The following CTSZ variants were observed in gnomAD, a reference collection of about 807,000 sequenced individuals.
The protein encoded by CTSZ is carboxypeptidase LB.
Under a neutral mutation model 32.4 loss-of-function variants are expected in CTSZ, and 39 were observed. The ratio of observed to expected loss-of-function variants is 1.20; its 90% CI spans 0.93 to 1.57. The LOEUF (loss-of-function observed/expected upper bound fraction) is 1.57, where lower values mean the gene tolerates loss of function less well. Ranked by LOEUF, CTSZ falls within the 40% of genes most tolerant of loss-of-function variation. CTSZ has a pLI of 0.00. For missense variants in CTSZ, 397 were observed against 419.6 expected (o/e 0.95, Z 0.47); for synonymous variants, 168 against 170.1 (o/e 0.99, Z 0.10).
rs1437574092 is a variant in CTSZ, at chr20:58,995,767, A to G, written c.802-8T>C. 1 of 1,613,378 alleles carries G rather than the reference A, an allele frequency of 6.2e-7. No homozygotes were observed. Among genetic ancestry groups the G allele is most frequent in the South Asian group, 1.1e-5 (1 of 91,040 alleles). On this transcript the variant is annotated splice_region_variant and splice_polypyrimidine_tract_variant and intron_variant, in intron 5 of 5. Coordinates refer to ENST00000217131, the MANE Select transcript of CTSZ (RefSeq NM_001336.4). ...CAGCCAGCCTCTCTCGCCCTGTGAG[A>G]AGTGGGATCGCGCGTCAGCCCATCT...
intron 1 of CTSZ, among the ~76,000 whole-genome samples, 198 bp downstream of exon 1, chr20:59,006,788 G>A (rs2091910268): frequency 6.6e-6 from 1 of 152,222 alleles, no homozygotes; most frequent in Non-Finnish European, 1.5e-5. Context: ...TTTCTGGCCA[G>A]GTGGGGCTTG....
chr20:58,998,574 A>AAG (rs1293625106), intron 3 of CTSZ, among the ~76,000 whole-genome samples: 2 of 151,520 alleles, frequency 1.3e-5, no homozygotes, highest in African/African-American at 4.8e-5. Context: ...GAAAGAAAGA[A>AAG]AGGACAGGCG....
chr20:58,995,735 C>T lies in CTSZ; in HGVS notation c.826G>A (p.Val276Met), dbSNP rs202209335. ...PWGERGWLRI[V>M]TSTYKDGKGA... Reference sequence around the variant, plus strand: ...TTCCCATCCTTATAGGTGCTGGTCACGATCCTCAGCCAGCCTCTCTCGCCC... The same window carrying T: ...TTCCCATCCTTATAGGTGCTGGTCATGATCCTCAGCCAGCCTCTCTCGCCC... The change falls in exon 6 of 6, where the codon GTG becomes ATG. Residue 276 changes from valine (V) to methionine (M), a missense_variant. Val to Met is a conservative substitution (Grantham distance 21, BLOSUM62 1). Coordinates refer to ENST00000217131, the MANE Select transcript of CTSZ (RefSeq NM_001336.4). The T allele has an allele frequency of 1.4e-5, 22 of 1,614,090 alleles. No individual in the cohort carries two copies. The East Asian group carries it at 3.1e-4, about 23-fold the overall frequency.
At chr20:59,000,727 G>A (rs2091885120) in intron 3 of CTSZ, among the ~76,000 whole-genome samples, 1 of 152,034 alleles carries the variant, frequency 6.6e-6, no homozygotes, top group African/African-American at 2.4e-5. Flanking sequence ...CCACCAAAAT[G>A]CCAGCATGTC....
Position 58,996,817 on chromosome 20 carries a change from T to TA in CTSZ, c.639-17dup. On this transcript the variant is annotated splice_polypyrimidine_tract_variant and intron_variant, in intron 4 of 5. Transcript: ENST00000217131. ...TATTCCACAGCTGAGAGCAAGCAGT[T>TA]AAAGAATTACCACTTTTAAATTGAG... 1 of 1,611,710 alleles carries TA rather than the reference T, an allele frequency of 6.2e-7. No individual in the cohort carries two copies. The highest frequency in any genetic ancestry group is 8.5e-7 in the Non-Finnish European group (1 of 1,178,598).
At position 59,002,772 on chromosome 20, in the gene CTSZ, G is replaced by A. The variant is rs563333228; in HGVS notation, c.308-1128C>T. ...AAACCCTCTTCCTGGAGCAGCCGGT[G>A]GCTGGTTTGTCCCCTCCCACCTGAC... On this transcript the variant is annotated intron_variant, in intron 2 of 5. Transcript: ENST00000217131. This position sits in a 1 kb window ranked among gnomAD's most constrained non-coding sequence, Gnocchi z 4.1. Among the ~76,000 whole-genome samples, 1 of 152,094 alleles carries A rather than the reference G, an allele frequency of 6.6e-6. No homozygotes were observed. Among genetic ancestry groups the A allele is most frequent in the African/African-American group, 2.4e-5 (1 of 41,410 alleles).
At chr20:58,998,819 C>T (rs1423904086) in intron 3 of CTSZ, among the ~76,000 whole-genome samples, 1 of 152,244 alleles carries the variant, frequency 6.6e-6, no homozygotes. Context: ...GCCTGCCATT[C>T]GCTGCTTTGG....
chr20:59,005,694 A>T (rs567378991), intron 2 of CTSZ, among the ~76,000 whole-genome samples: 1 of 152,344 alleles, frequency 6.6e-6, no homozygotes, highest in African/African-American at 2.4e-5. Context: ...GGGATAGCAG[A>T]GTCCCTTCCA....
intron 4 of CTSZ, 100 bp downstream of exon 4, chr20:58,997,503 G>C: frequency 8.2e-7 from 1 of 1,213,062 alleles, no homozygotes; most frequent in Admixed American, 3.0e-5. Context: ...CCACACTGGC[G>C]CTGTCACCGC....
At chr20:58,996,941 G>T in intron 4 of CTSZ, 140 bp from the exon 5 acceptor site, 1 of 863,494 alleles carries the variant, frequency 1.2e-6, no homozygotes, top group Non-Finnish European at 1.8e-6. Flanking sequence ...TGGATCGCTT[G>T]AGTCCAGGAA....
rs937390550 is a variant in CTSZ, at chr20:58,999,122, G to A, written c.488-1369C>T. ...ATGATCCTGGCTCACTGCAACTTCTGCCTCCTGGGTTCAAGTGATTCTCCT... is the reference window on the plus strand; with the variant it reads ...ATGATCCTGGCTCACTGCAACTTCTACCTCCTGGGTTCAAGTGATTCTCCT... On this transcript the variant is annotated intron_variant, in intron 3 of 5. Coordinates refer to ENST00000217131, the MANE Select transcript of CTSZ (RefSeq NM_001336.4). Among the ~76,000 whole-genome samples, 4 of 152,002 alleles carry A rather than the reference G, an allele frequency of 2.6e-5. No homozygotes were observed. In the East Asian group the frequency reaches 5.8e-4, roughly 22 times the overall value.
chr20:58,996,013 T>C (rs1012389977), intron 5 of CTSZ, among the ~76,000 whole-genome samples: 3 of 152,198 alleles, frequency 2.0e-5, no homozygotes, highest in African/African-American at 4.8e-5. Context: ...ACAAAACATG[T>C]TGACTCTAGA....
At chr20:59,006,298 C>G in intron 2 of CTSZ, 24 bp downstream of exon 2, 2 of 1,577,136 alleles carry the variant, frequency 1.3e-6, no homozygotes, top group Non-Finnish European at 1.7e-6. Flanking sequence ...TTTCCTGGCC[C>G]ACAGTCAAAG....
At position 58,996,809 on chromosome 20, in the gene CTSZ, C is replaced by G. The variant is rs780719726; in HGVS notation, c.639-8G>C. 6.2e-7 allele frequency: 1 copy of G among 1,613,260 alleles called. No homozygotes were observed. The highest frequency in any genetic ancestry group is 1.1e-5 in the South Asian group (1 of 90,934). On this transcript the variant is annotated splice_region_variant and splice_polypyrimidine_tract_variant and intron_variant, in intron 4 of 5. Transcript: ENST00000217131. ...GTTGCCATTATTCCACAGCTGAGAG[C>G]AAGCAGTTAAAGAATTACCACTTTT...
rs761161044 is a variant in CTSZ, at chr20:58,995,739, C to T, written c.822G>A (p.Arg274=). The change falls in exon 6 of 6, where the codon AGG becomes AGA. Residue 274 remains arginine (R), a synonymous_variant. Transcript: ENST00000217131. ...CATCCTTATAGGTGCTGGTCACGATCCTCAGCCAGCCTCTCTCGCCCTGTG... is the reference window on the plus strand; with the variant it reads ...CATCCTTATAGGTGCTGGTCACGATTCTCAGCCAGCCTCTCTCGCCCTGTG... ...GEPWGERGWL[R]IVTSTYKDGK... The T allele has an allele frequency of 2.7e-5, 43 of 1,613,980 alleles. No individual in the cohort carries two copies. Among genetic ancestry groups the T allele is most frequent in the Non-Finnish European group, 3.6e-5 (42 of 1,180,014 alleles).
chr20:59,007,087 G>T lies in CTSZ; in HGVS notation c.42C>A (p.Leu14=). 1 of 1,455,204 alleles carries T rather than the reference G, an allele frequency of 6.9e-7. No homozygotes were observed. The highest frequency in any genetic ancestry group is 2.4e-4 in the Middle Eastern group (1 of 4,138). 90.1% of individuals were successfully genotyped at this position (1,455,204 alleles called of 1,614,324 possible). The change falls in exon 1 of 6, where the codon CTC becomes CTA. Residue 14 remains leucine, a synonymous_variant. Transcript: ENST00000217131. ...RGPGWRPLLL[L]VLLAGAAQGG... ...CCTGCGCCGCGCCCGCCAGCAGCAC[G>T]AGCAGCAGAAGCGGCCGCCACCCTG...
At chr20:59,001,707 C>T in intron 2 of CTSZ, 63 bp from the exon 3 acceptor site, 1 of 1,552,684 alleles carries the variant, frequency 6.4e-7, no homozygotes, top group Non-Finnish European at 8.8e-7. Flanking sequence ...CCCGAACGGA[C>T]CTGGACGCCT....
At chr20:59,006,759 GAGGTGGGGCTGGCCTGGCTTTCTGGCC>G (rs2146367269) in intron 1 of CTSZ, among the ~76,000 whole-genome samples, 200 bp downstream of exon 1, 1 of 152,336 alleles carries the variant, frequency 6.6e-6, no homozygotes, top group Admixed American at 6.5e-5. Context: ...AGAGGCCGAG[GAGGTGGGGCTGGCCTGGCTTTCTGGCC>G]AGGTGGGGCT....
chr20:59,003,978 T>G (rs1260996363), intron 2 of CTSZ, among the ~76,000 whole-genome samples: 1 of 151,958 alleles, frequency 6.6e-6, no homozygotes, highest in Non-Finnish European at 1.5e-5. Flanking sequence ...AGTGGGGCGG[T>G]GTGGCTTAGA....
Sources: gnomAD v4.1 joint callset for allele counts (sites outside exome capture counted in the v4.1 genomes callset) on GRCh38, gnomAD v4.1.1 for gene constraint, Gnocchi (gnomAD v3.1) non-coding constraint, MANE v1.5 for transcripts, NCBI Gene and HGNC (gene_info 2026-07-23, HGNC 2026-07-21) for gene names.